STRN: variants seen among roughly 807,000 people sequenced by gnomAD.
STRN encodes striatin, also known as protein phosphatase 2 regulatory subunit B'''alpha.
STRN carries 53 observed loss-of-function variants against 96.3 expected under a neutral mutation model. That is an observed-to-expected ratio of 0.55 (90% CI 0.44 to 0.69). STRN has a LOEUF of 0.69. Among genes scored for constraint, STRN ranks in the 30% least tolerant of loss-of-function variants. The pLI is 0.00. For missense variants in STRN, 987 were observed against 963.9 expected (o/e 1.02, Z -0.32); for synonymous variants, 428 against 355.9 (o/e 1.20, Z -2.28).
rs141745970 is a variant in STRN, at chr2:36,849,430, C to G, written c.*26G>C. The G allele has an allele frequency of 1.9e-6, 3 of 1,612,076 alleles. No individual in the cohort carries two copies. Among genetic ancestry groups the G allele is most frequent in the Admixed American group, 1.7e-5 (1 of 59,734 alleles). Reference sequence around the variant, plus strand: ...TGTGCAGTTGATTACTTATAAACAGCTAGAAGGTGAAGATGATGCATTGCG... The same window carrying G: ...TGTGCAGTTGATTACTTATAAACAGGTAGAAGGTGAAGATGATGCATTGCG... On this transcript the variant is annotated 3_prime_UTR_variant, in exon 18 of 18. Coordinates refer to ENST00000263918, the MANE Select transcript of STRN (RefSeq NM_003162.4).
At chr2:36,952,801 G>C (rs577489294) in intron 1 of STRN, among the ~76,000 whole-genome samples, 2 of 152,334 alleles carry the variant, frequency 1.3e-5, no homozygotes, top group South Asian at 4.1e-4. Flanking sequence ...AGTTCAGCAA[G>C]TGCGCTGACC....
chr2:36,876,514 G>A (rs1363448099), intron 10 of STRN, among the ~76,000 whole-genome samples: 1 of 151,934 alleles, frequency 6.6e-6, no homozygotes, highest in Non-Finnish European at 1.5e-5. Context: ...AGGAGTGAGT[G>A]GTAAGCATTA....
intron 11 of STRN, 93 bp downstream of exon 11, chr2:36,869,461 T>G: frequency 8.6e-7 from 1 of 1,157,044 alleles, no homozygotes; most frequent in East Asian, 2.9e-5. Context: ...GAAGAAATGT[T>G]TGGGAAATTT....
chr2:36,950,531 C>G (rs1664730206), intron 1 of STRN, among the ~76,000 whole-genome samples: 1 of 152,094 alleles, frequency 6.6e-6, no homozygotes, highest in African/African-American at 2.4e-5. Context: ...AATGGCATGG[C>G]AAAGTGGAGA....
chr2:36,960,045 A>T (rs1349386781), intron 1 of STRN, among the ~76,000 whole-genome samples: 1 of 152,228 alleles, frequency 6.6e-6, no homozygotes, highest in Non-Finnish European at 1.5e-5. Context: ...AATTATCAAG[A>T]ATATGAGTAG....
intron 3 of STRN, among the ~76,000 whole-genome samples, chr2:36,909,846 A>T (rs1468987942): frequency 6.6e-6 from 1 of 152,186 alleles, no homozygotes; most frequent in African/African-American, 2.4e-5. Context: ...AACAGGAGAT[A>T]TCTCATCAGA....
rs941945038 is a variant in STRN at position 36,855,489 on chromosome 2, A to G, written c.1838-137T>C. 5.0e-6 allele frequency: 4 copies of G among 804,558 alleles called. No individual in the cohort carries two copies. The African/African-American group carries it at 7.0e-5, about 14-fold the overall frequency. 49.8% of individuals were successfully genotyped at this position (804,558 alleles called of 1,614,324 possible). A position where few individuals can be genotyped will look rare whatever the true frequency, so the allele number is the denominator to read the frequency against. ...TTACCATTAGAATAAGAATTAGCTC[A>G]TAACTATTCATTGGAGATTATTTCT... On this transcript the variant is annotated intron_variant, in intron 14 of 17. Transcript: ENST00000263918.
intron 1 of STRN, among the ~76,000 whole-genome samples, chr2:36,961,665 G>C (rs1031272388): frequency 6.6e-6 from 1 of 152,080 alleles, no homozygotes; most frequent in Non-Finnish European, 1.5e-5. Context: ...TTCCCTCCAA[G>C]TCTGTTCTGA....
intron 15 of STRN, among the ~76,000 whole-genome samples, chr2:36,853,100 T>C (rs1668260772): frequency 6.6e-6 from 1 of 151,966 alleles, no homozygotes; most frequent in Non-Finnish European, 1.5e-5. Flanking sequence ...GAGGTTGCAG[T>C]AAGCTGAGAT....
intron 3 of STRN, among the ~76,000 whole-genome samples, chr2:36,909,002 A>AAAC (rs35908116): frequency 0.024 from 3,591 of 151,128 alleles, 105 homozygotes; most frequent in East Asian, 0.12. Context: ...ACCCCAGAAA[A>AAAC]AAAAATAGCT....
intron 1 of STRN, among the ~76,000 whole-genome samples, chr2:36,949,041 C>G (rs1036593647): frequency 1.3e-5 from 2 of 152,216 alleles, no homozygotes; most frequent in African/African-American, 2.4e-5. Flanking sequence ...GGTCCCATAA[C>G]TATAACCATA....
chr2:36,954,236 C>G (rs145528250), intron 1 of STRN, among the ~76,000 whole-genome samples: 1 of 151,880 alleles, frequency 6.6e-6, no homozygotes, highest in African/African-American at 2.4e-5. Context: ...TTTGGCCAGG[C>G]GTGGTGGCTC....
At chr2:36,943,659 CT>C (rs1301300916) in intron 1 of STRN, among the ~76,000 whole-genome samples, 2 of 151,992 alleles carry the variant, frequency 1.3e-5, no homozygotes, top group Non-Finnish European at 2.9e-5. Context: ...AAAAAATTAG[CT>C]GGGCGTGGTG....
intron 4 of STRN, among the ~76,000 whole-genome samples, chr2:36,905,049 A>G (rs1669786802): frequency 6.6e-6 from 1 of 150,856 alleles, no homozygotes; most frequent in Admixed American, 6.6e-5. Context: ...GGCTCACTGC[A>G]AACTCCACCT....
chr2:36,857,993 C>T lies in STRN; in HGVS notation c.1700G>A (p.Gly567Asp). The T allele has an allele frequency of 1.2e-6, 2 of 1,610,474 alleles. No individual in the cohort carries two copies. The highest frequency in any genetic ancestry group is 1.7e-6 in the Non-Finnish European group (2 of 1,177,934). Residue 567 changes from glycine (G) to aspartate (D), a missense_variant, in exon 14 of 18, where the codon GGC (glycine) becomes GAC (aspartate). Physicochemically the swap from Gly to Asp is moderately conservative, Grantham distance 94 (BLOSUM62 -1). Coordinates refer to ENST00000263918, the MANE Select transcript of STRN (RefSeq NM_003162.4). Reference sequence around the variant, plus strand: ...CAAACCCCAGACTGCATCCGTGTGGCCTAGCAGAGGGCCTCGTAAAACAGA... The same window carrying T: ...CAAACCCCAGACTGCATCCGTGTGGTCTAGCAGAGGGCCTCGTAAAACAGA... ...DPSVLRGPLL[G>D]HTDAVWGLAY...
intron 1 of STRN, among the ~76,000 whole-genome samples, chr2:36,956,524 A>C (rs1156941161): frequency 1.3e-5 from 2 of 152,246 alleles, no homozygotes; most frequent in Non-Finnish European, 2.9e-5. Context: ...ATGGCCCAGA[A>C]TTGAAACCTG....
At chr2:36,962,218 C>T (rs371192464) in intron 1 of STRN, among the ~76,000 whole-genome samples, 3 of 152,146 alleles carry the variant, frequency 2.0e-5, no homozygotes, top group African/African-American at 7.2e-5. Flanking sequence ...AATGCCAAAA[C>T]CCAGAAAATA....
intron 3 of STRN, among the ~76,000 whole-genome samples, chr2:36,906,743 T>C (rs1177602858): frequency 6.6e-6 from 1 of 151,798 alleles, no homozygotes; most frequent in African/African-American, 2.4e-5. Context: ...CTGACCAACA[T>C]GGCAAAAAAC....
At chr2:36,943,270 C>T (rs936970241) in intron 1 of STRN, among the ~76,000 whole-genome samples, 1 of 151,934 alleles carries the variant, frequency 6.6e-6, no homozygotes, top group African/African-American at 2.4e-5. Flanking sequence ...CAGAGGTAAT[C>T]AGTGTGAACA....
Sources: allele counts gnomAD v4.1 joint callset (sites outside exome capture counted in the v4.1 genomes callset), GRCh38; gene constraint gnomAD v4.1.1; transcripts MANE v1.5; gene names NCBI Gene and HGNC (gene_info 2026-07-23, HGNC 2026-07-21).